Variants in PTDSS1 observed in about 807,000 individuals in gnomAD.
The protein encoded by PTDSS1 is PSS-1.
Under a neutral mutation model 70.5 loss-of-function variants are expected in PTDSS1, and 45 were observed. The observed-to-expected ratio is 0.64, with a 90% CI of 0.50 to 0.82. PTDSS1 has a LOEUF of 0.82. Among genes scored for constraint, PTDSS1 ranks in the 40% least tolerant of loss-of-function variants. The pLI is 0.00. For missense variants in PTDSS1, 417 were observed against 586.1 expected (o/e 0.71, Z 2.98); for synonymous variants, 188 against 203.8 (o/e 0.92, Z 0.66).
At chr8:96,312,049 C>T (rs1327062857) in intron 9 of PTDSS1, among the ~76,000 whole-genome samples, 12 of 152,058 alleles carry the variant, frequency 7.9e-5, no homozygotes, top group Admixed American at 7.9e-4. Flanking sequence ...AGAATTGTAT[C>T]GATTTACGTG....
intron 5 of PTDSS1, 87 bp downstream of exon 5, chr8:96,295,343 T>G (rs963630124): frequency 7.3e-7 from 1 of 1,362,388 alleles, no homozygotes; most frequent in Non-Finnish European, 9.7e-7. Flanking sequence ...AACAGTCAGT[T>G]AATCCGTTCT....
At chr8:96,326,464 G>A (rs1367354850) in intron 10 of PTDSS1, among the ~76,000 whole-genome samples, 5 of 152,186 alleles carry the variant, frequency 3.3e-5, no homozygotes, top group Non-Finnish European at 4.4e-5. Context: ...ACCGTGCCTG[G>A]TGCATAGGAA....
At chr8:96,316,133 G>A (rs752400925) in intron 9 of PTDSS1, among the ~76,000 whole-genome samples, 1 of 152,210 alleles carries the variant, frequency 6.6e-6, no homozygotes, top group Non-Finnish European at 1.5e-5. Flanking sequence ...AGGAGCCCAT[G>A]TGATCGTTGG....
chr8:96,285,905 G>A (rs573525670), intron 3 of PTDSS1, among the ~76,000 whole-genome samples: 1 of 152,262 alleles, frequency 6.6e-6, no homozygotes, highest in East Asian at 1.9e-4. Context: ...TAAAAAATGG[G>A]TGGTGCATAA....
At chr8:96,317,107 A>C (rs2130147393) in intron 9 of PTDSS1, among the ~76,000 whole-genome samples, 1 of 151,572 alleles carries the variant, frequency 6.6e-6, no homozygotes, top group African/African-American at 2.4e-5. Context: ...ACAGAGAGAG[A>C]GAAGACTGTA....
At chr8:96,276,599 G>T (rs757897909) in intron 2 of PTDSS1, among the ~76,000 whole-genome samples, 1 of 152,190 alleles carries the variant, frequency 6.6e-6, no homozygotes, top group Non-Finnish European at 1.5e-5. Flanking sequence ...CAGCCTGTTC[G>T]CAGGGCCACA....
rs1046745145 is a variant in PTDSS1 at position 96,334,121 on chromosome 8, G to T, written c.*555G>T. ...CTGCTGAAATTGATACTGGGGGAAG[G>T]GTTCCCCTTCCTTCTAGAGCAGAAA... On this transcript the variant is annotated 3_prime_UTR_variant, in exon 13 of 13. Coordinates refer to ENST00000517309, the MANE Select transcript of PTDSS1 (RefSeq NM_014754.3). 2 of 306,690 alleles carry T rather than the reference G, an allele frequency of 6.5e-6. No homozygotes were observed. The highest frequency in any genetic ancestry group is 1.2e-5 in the Non-Finnish European group (2 of 167,116). The allele number at this position is 306,690 out of a possible 1,614,324, so 19.0% of individuals were successfully genotyped here.
chr8:96,324,822 G>A (rs1811417310), intron 10 of PTDSS1, among the ~76,000 whole-genome samples: 1 of 152,212 alleles, frequency 6.6e-6, no homozygotes, highest in Non-Finnish European at 1.5e-5. Context: ...TTAAGTTTTA[G>A]AGAGACTTTC....
At chr8:96,285,616 A>G (rs759302136) in intron 3 of PTDSS1, among the ~76,000 whole-genome samples, 12 of 152,184 alleles carry the variant, frequency 7.9e-5, no homozygotes, top group Non-Finnish European at 1.2e-4. Context: ...GGTAGGTAGT[A>G]AGCAGTTTTA....
intron 1 of PTDSS1, among the ~76,000 whole-genome samples, chr8:96,267,550 A>AAAGTATAAATT (rs1810505720): frequency 6.6e-6 from 1 of 152,232 alleles, no homozygotes; most frequent in Non-Finnish European, 1.5e-5. Flanking sequence ...TCTAATAAAT[A>AAAGTATAAATT]CTTTAAAACA....
intron 7 of PTDSS1, among the ~76,000 whole-genome samples, chr8:96,306,203 CTGTTCCCCTATG>C (rs1172148031): frequency 1.3e-5 from 2 of 152,162 alleles, no homozygotes; most frequent in Non-Finnish European, 2.9e-5. Context: ...GCTGATAATC[CTGTTCCCCTATG>C]TGCCCATCCA....
intron 2 of PTDSS1, among the ~76,000 whole-genome samples, chr8:96,275,829 G>A (rs1810633058): frequency 6.6e-6 from 1 of 152,158 alleles, no homozygotes; most frequent in South Asian, 2.1e-4. Flanking sequence ...TGTATCCCGT[G>A]ATCTGCTGCC....
At chr8:96,312,421 T>C (rs1215678569) in intron 9 of PTDSS1, among the ~76,000 whole-genome samples, 3 of 151,136 alleles carry the variant, frequency 2.0e-5, no homozygotes, top group Non-Finnish European at 2.9e-5. Flanking sequence ...ATTGTGCCTC[T>C]GCACTCCCAC....
rs148462011 is a variant in PTDSS1 at position 96,267,204 on chromosome 8, C to T, written c.179+4985C>T. Among the ~76,000 whole-genome samples the T allele has an allele frequency of 7.9e-5, 12 of 152,338 alleles. No individual in the cohort carries two copies. The South Asian group carries it at 8.3e-4, about 11-fold the overall frequency. Reference sequence around the variant, plus strand: ...TTTTCAGTCTTAACTAATCCCAGAACGAGGACTAGTCCGGTCAGCCTGCAC... The same window carrying T: ...TTTTCAGTCTTAACTAATCCCAGAATGAGGACTAGTCCGGTCAGCCTGCAC... On this transcript the variant is annotated intron_variant, in intron 1 of 12. Transcript: ENST00000517309.
chr8:96,330,611 G>A (rs1811501498), intron 11 of PTDSS1: 1 of 404,490 alleles, frequency 2.5e-6, no homozygotes, highest in South Asian at 2.8e-5. Flanking sequence ...CTTGAACTGT[G>A]TGGAGGCCTC....
chr8:96,330,392 G>A, intron 11 of PTDSS1, 111 bp downstream of exon 11: 1 of 1,032,388 alleles, frequency 9.7e-7, no homozygotes, highest in Admixed American at 2.1e-5. Flanking sequence ...CACTGAGGTT[G>A]GGGCCTCCAG....
rs557274499 is a variant in PTDSS1 at position 96,261,955 on chromosome 8, T to C, written c.-86T>C. On this transcript the variant is annotated 5_prime_UTR_variant, in exon 1 of 13. Coordinates refer to ENST00000517309, the MANE Select transcript of PTDSS1 (RefSeq NM_014754.3). ...CAGACCCGGCTTTGCCGTCCGGCTA[T>C]TAGCCTACTGTGGCTAGTCACCCCC... is the stretch of plus-strand genomic sequence containing the variant. The C allele has an allele frequency of 1.0e-5, 14 of 1,401,554 alleles. No homozygotes were observed. Among genetic ancestry groups the C allele is most frequent in the Admixed American group, 2.1e-5 (1 of 46,644 alleles). 86.8% of individuals were successfully genotyped at this position (1,401,554 alleles called of 1,614,324 possible). A position where few individuals can be genotyped will look rare whatever the true frequency, so the allele number is the denominator to read the frequency against.
chr8:96,283,991 A>G, intron 2 of PTDSS1, 118 bp from the exon 3 acceptor site: 1 of 777,622 alleles, frequency 1.3e-6, no homozygotes, highest in Non-Finnish European at 2.0e-6. Flanking sequence ...AAAAAAAAAA[A>G]CTTTTAACAG....
At chr8:96,290,275 C>G (rs754155658) in intron 4 of PTDSS1, among the ~76,000 whole-genome samples, 2 of 152,186 alleles carry the variant, frequency 1.3e-5, no homozygotes, top group Non-Finnish European at 2.9e-5. Context: ...AATATTTTCC[C>G]AAACATCTTT....
Sources: gnomAD v4.1 joint callset for allele counts (sites outside exome capture counted in the v4.1 genomes callset) on GRCh38, gnomAD v4.1.1 for gene constraint, MANE v1.5 for transcripts, NCBI Gene and HGNC (gene_info 2026-07-23, HGNC 2026-07-21) for gene names.